The following INPP5A variants were observed in gnomAD, a reference collection of about 807,000 sequenced individuals.
INPP5A encodes 43 kDa inositol polyphosphate 5-phophatase.
A neutral mutation model predicts 65.2 loss-of-function variants in INPP5A; 14 were observed. The observed-to-expected ratio is 0.21, with a 90% CI of 0.14 to 0.34. The LOEUF (loss-of-function observed/expected upper bound fraction) is 0.34. INPP5A is among the 10% of genes least tolerant of loss of function. INPP5A has a pLI of 1.00. For missense variants in INPP5A, 431 were observed against 545.6 expected, an observed-to-expected ratio of 0.79 and a Z score of 2.09; for synonymous variants, 207 against 208.3, an observed-to-expected ratio of 0.99 and a Z score of 0.05.
chr10:132,702,433 AACAC>A (rs1451513170), intron 6 of INPP5A, among the ~76,000 whole-genome samples: 2 of 152,258 alleles, frequency 1.3e-5, no homozygotes, highest in African/African-American at 4.8e-5. Context: ...AAGACACACA[AACAC>A]ACACCTTAAC....
chr10:132,595,079 TTCTG>T (rs2071667901), intron 1 of INPP5A, among the ~76,000 whole-genome samples: 1 of 152,250 alleles, frequency 6.6e-6, no homozygotes, highest in Non-Finnish European at 1.5e-5. Flanking sequence ...GGGCGTTTTT[TTCTG>T]TCTTTTTCCC....
rs1320079719 is a variant in INPP5A at position 132,675,688 on chromosome 10, G to T, written c.307-14704G>T. Among the ~76,000 whole-genome samples, 2 of 152,218 alleles carry T rather than the reference G, an allele frequency of 1.3e-5. No homozygotes were observed. The highest frequency in any genetic ancestry group is 2.9e-5 in the Non-Finnish European group (2 of 68,036). Reference sequence around the variant, plus strand: ...GAGCGTGTGCCCTTGGAATACTGCTGTTTTAGCATTTCTGGGGACCGGGAA... The same window carrying T: ...GAGCGTGTGCCCTTGGAATACTGCTTTTTTAGCATTTCTGGGGACCGGGAA... On this transcript the variant is annotated intron_variant, in intron 4 of 15. Coordinates refer to ENST00000368594, the MANE Select transcript of INPP5A (RefSeq NM_005539.5). The surrounding 1 kb of genome is among the most constrained non-coding windows in gnomAD (Gnocchi z 4.2).
At chr10:132,765,636 T>C in intron 11 of INPP5A, 137 bp from the exon 12 acceptor site, 1 of 654,112 alleles carries the variant, frequency 1.5e-6, no homozygotes. Context: ...CACAGAGCTT[T>C]CTGGTGACAG....
chr10:132,735,641 C>T (rs1242843149), intron 9 of INPP5A, among the ~76,000 whole-genome samples: 2 of 152,250 alleles, frequency 1.3e-5, no homozygotes, highest in Non-Finnish European at 2.9e-5. Context: ...CTGCCGACCG[C>T]GTTCCTCTGC....
intron 4 of INPP5A, among the ~76,000 whole-genome samples, chr10:132,688,420 T>G (rs1350864609): frequency 2.0e-5 from 3 of 152,178 alleles, no homozygotes; most frequent in Non-Finnish European, 4.4e-5. Context: ...TGTGGGACGT[T>G]TAGCTTGGGC....
intron 5 of INPP5A, among the ~76,000 whole-genome samples, chr10:132,691,831 G>C (rs1017385980): frequency 2.1e-4 from 31 of 148,706 alleles, no homozygotes; most frequent in African/African-American, 6.8e-4. Flanking sequence ...GGAGACGTGT[G>C]GTCGCGGGAG....
intron 11 of INPP5A, among the ~76,000 whole-genome samples, chr10:132,754,129 A>C (rs1364287658): frequency 6.6e-6 from 1 of 152,156 alleles, no homozygotes; most frequent in Non-Finnish European, 1.5e-5. Context: ...GTGGCTGAGC[A>C]GGGACATGCC....
At chr10:132,542,393 A>G (rs1399101418) in intron 1 of INPP5A, among the ~76,000 whole-genome samples, 1 of 152,040 alleles carries the variant, frequency 6.6e-6, no homozygotes, top group African/African-American at 2.4e-5. Flanking sequence ...TGCTGTGGGT[A>G]TGGAGTCGGT....
intron 9 of INPP5A, among the ~76,000 whole-genome samples, chr10:132,730,064 A>G (rs1052209735): frequency 1.3e-5 from 2 of 152,274 alleles, no homozygotes; most frequent in East Asian, 3.9e-4. Context: ...TCACTTTCCC[A>G]TCCACAGTAA....
intron 6 of INPP5A, among the ~76,000 whole-genome samples, chr10:132,700,341 C>T (rs1271746189): frequency 6.6e-6 from 1 of 152,214 alleles, no homozygotes; most frequent in Non-Finnish European, 1.5e-5. Context: ...GGGGGGCCAG[C>T]CCCTGCCCTG....
At chr10:132,611,907 TGTGGGAGGTGAGGG>T (rs2071960667) in intron 2 of INPP5A, among the ~76,000 whole-genome samples, 4 of 74,718 alleles carry the variant, frequency 5.4e-5, no homozygotes, top group African/African-American at 5.6e-5. Context: ...CAGAGGAGGG[TGTGGGAGGTGAGGG>T]GGGCAGGGGA....
In INPP5A at chr10:132,674,308, C is replaced by T. The variant is rs1358645281; in HGVS notation, c.307-16084C>T. 6.6e-6 allele frequency among the ~76,000 whole-genome samples: 1 copy of T among 152,218 alleles called. No homozygotes were observed. The highest frequency in any genetic ancestry group is 1.5e-5 in the Non-Finnish European group (1 of 68,038). ...AATCAGTATATAATCACACATCTGGCCATTTCTCCTTCCAAGCAGAGTGCA... is the reference window on the plus strand; with the variant it reads ...AATCAGTATATAATCACACATCTGGTCATTTCTCCTTCCAAGCAGAGTGCA... On this transcript the variant is annotated intron_variant, in intron 4 of 15. Coordinates refer to ENST00000368594, the MANE Select transcript of INPP5A (RefSeq NM_005539.5). The surrounding 1 kb of genome is among the most constrained non-coding windows in gnomAD (Gnocchi z 4.4).
chr10:132,671,879 C>T (rs1168242700), intron 4 of INPP5A, among the ~76,000 whole-genome samples: 1 of 152,196 alleles, frequency 6.6e-6, no homozygotes, highest in East Asian at 1.9e-4. Flanking sequence ...AGCCTGTACT[C>T]TCAACCAGCC....
Position 132,698,541 on chromosome 10 carries a change from G to A in INPP5A, c.474+622G>A, listed in dbSNP as rs1387463744. On this transcript the variant is annotated intron_variant, in intron 6 of 15. Transcript: ENST00000368594. This position sits in a 1 kb window ranked among gnomAD's most constrained non-coding sequence, Gnocchi z 5.5. ...GCTGTGTGCGCGGCTGTTGCTCTGT[G>A]CACGTGATCTTTGGGTAAACCTCAC... Among the ~76,000 whole-genome samples the A allele has an allele frequency of 6.6e-6, 1 of 152,238 alleles. No individual in the cohort carries two copies. Among genetic ancestry groups the A allele is most frequent in the African/African-American group, 2.4e-5 (1 of 41,462 alleles).
At chr10:132,593,807 T>C (rs2071649406) in intron 1 of INPP5A, among the ~76,000 whole-genome samples, 1 of 152,232 alleles carries the variant, frequency 6.6e-6, no homozygotes, top group African/African-American at 2.4e-5. Flanking sequence ...TTCTCTGGGC[T>C]TCGTGGATCT....
At chr10:132,601,500 T>C (rs893731566) in intron 1 of INPP5A, among the ~76,000 whole-genome samples, 1 of 152,234 alleles carries the variant, frequency 6.6e-6, no homozygotes, top group Admixed American at 6.5e-5. Flanking sequence ...GTTGTTAAGT[T>C]TGATGTCCCG....
chr10:132,689,633 G>A (rs1845222425), intron 4 of INPP5A, among the ~76,000 whole-genome samples: 1 of 152,190 alleles, frequency 6.6e-6, no homozygotes, highest in Non-Finnish European at 1.5e-5. Context: ...AAAATACACA[G>A]AAATAATACA....
At chr10:132,639,220 AT>A (rs2072397003) in intron 2 of INPP5A, among the ~76,000 whole-genome samples, 1 of 151,478 alleles carries the variant, frequency 6.6e-6, no homozygotes, top group Admixed American at 6.6e-5. Context: ...CTGGTGGAAC[AT>A]TTGCTTAGTT....
At chr10:132,605,900 C>T (rs187470030) in intron 1 of INPP5A, among the ~76,000 whole-genome samples, 10 of 152,284 alleles carry the variant, frequency 6.6e-5, no homozygotes, top group Non-Finnish European at 1.0e-4. Context: ...TCAGCAAACA[C>T]GGATGTCTTT....
Sources: allele counts gnomAD v4.1 joint callset (sites outside exome capture counted in the v4.1 genomes callset), GRCh38; gene constraint gnomAD v4.1.1; non-coding constraint Gnocchi (gnomAD v3.1); transcripts MANE v1.5; gene names NCBI Gene and HGNC (gene_info 2026-07-23, HGNC 2026-07-21).